KLHL36: variants seen among roughly 807,000 people sequenced by gnomAD.
KLHL36 encodes the protein kelch-like protein 36.
Under a neutral mutation model 53.3 loss-of-function variants are expected in KLHL36, and 35 were observed. The observed-to-expected ratio is 0.66, with a 90% confidence interval of 0.50 to 0.87. The LOEUF is 0.87. KLHL36 is among the 40% of genes least tolerant of loss of function. The pLI is 0.00. For missense variants in KLHL36, 864 were observed against 897.6 expected, an observed-to-expected ratio of 0.96 and a Z score of 0.48; for synonymous variants, 472 against 398.9, an observed-to-expected ratio of 1.18 and a Z score of -2.18.
rs778327522 is a variant in KLHL36, at chr16:84,661,939, G to A, written c.1657G>A (p.Gly553Ser). Residue 553 changes from glycine (G) to serine (S), a missense_variant, in exon 5 of 5, where the codon GGC becomes AGC. Physicochemically the swap from Gly to Ser is moderately conservative, Grantham distance 56. Transcript: ENST00000564996. This position sits in a 1 kb window ranked among gnomAD's most constrained non-coding sequence, Gnocchi z 7.9. ...VWEGRIYILGGYSWENTAFSK... is the reference protein window; with the variant it reads ...VWEGRIYILGSYSWENTAFSK... The stretch of plus-strand genomic sequence containing the variant: ...GGAGGGCCGCATCTACATCCTGGGC[G>A]GCTACAGCTGGGAGAACACTGCCTT... 3.1e-6 allele frequency: 5 copies of A among 1,600,238 alleles called. No homozygotes were observed. The highest frequency in any genetic ancestry group is 1.3e-5 in the African/African-American group (1 of 74,814).
chr16:84,655,980 G>C (rs928341863), intron 2 of KLHL36, among the ~76,000 whole-genome samples: 6 of 151,222 alleles, frequency 4.0e-5, no homozygotes, highest in Admixed American at 3.9e-4. Context: ...GCAGCCTCAA[G>C]CTCCTGGGCT....
Position 84,661,872 on chromosome 16 carries a change from G to T in KLHL36, c.1590G>T (p.Ala530=). ...SPQCNQWTRV[A]PLLHANSESG... is the part of the protein sequence containing the mutation. ...AGTGCAACCAGTGGACCCGCGTGGCGCCGCTGCTGCACGCCAACAGCGAGT... is the reference window on the plus strand; with the variant it reads ...AGTGCAACCAGTGGACCCGCGTGGCTCCGCTGCTGCACGCCAACAGCGAGT... Residue 530 remains alanine (A), a synonymous_variant, in exon 5 of 5, where the codon GCG becomes GCT. Coordinates refer to ENST00000564996, the MANE Select transcript of KLHL36 (RefSeq NM_024731.4). The surrounding 1 kb of genome is among the most constrained non-coding windows in gnomAD (Gnocchi z 7.9). The T allele has an allele frequency of 1.2e-6, 2 of 1,600,192 alleles. No individual in the cohort carries two copies. Among genetic ancestry groups the T allele is most frequent in the Admixed American group, 3.4e-5 (2 of 59,686 alleles).
rs373757262 is a variant in KLHL36, at chr16:84,661,629, G to A, written c.1347G>A (p.Ser449=). The A allele has an allele frequency of 7.8e-5, 126 of 1,611,630 alleles. No individual in the cohort carries two copies. The highest frequency in any genetic ancestry group is 2.0e-4 in the Admixed American group (12 of 59,682). ...TCTACAAAGACTTCGTGTACATCTC[G>A]GGGGGCCACGACTACCAAATTGGCC... The part of the protein sequence containing the change: ...GTIYKDFVYI[S]GGHDYQIGPY... The change falls in exon 5 of 5, where the codon TCG becomes TCA. Residue 449 remains serine, a synonymous_variant. Coordinates refer to ENST00000564996, the MANE Select transcript of KLHL36 (RefSeq NM_024731.4). This position sits in a 1 kb window ranked among gnomAD's most constrained non-coding sequence, Gnocchi z 7.9.
chr16:84,667,559 G>T lies in KLHL36; in HGVS notation c.*5426G>T, dbSNP rs1907906210. 1 of 152,012 alleles carries T rather than the reference G, an allele frequency of 6.6e-6. No homozygotes were observed. The highest frequency in any genetic ancestry group is 6.6e-5 in the Admixed American group (1 of 15,260). 9.4% of individuals were successfully genotyped at this position (152,012 alleles called of 1,614,324 possible). On this transcript the variant is annotated 3_prime_UTR_variant, in exon 5 of 5. Transcript: ENST00000564996. The stretch of plus-strand genomic sequence containing the variant: ...ACATTAAAATAATTTGCTTGCTAGG[G>T]TATGGTTTATTTTATAATTACATTC...
At chr16:84,651,528 C>G (rs1906879673) in intron 2 of KLHL36, among the ~76,000 whole-genome samples, 1 of 152,202 alleles carries the variant, frequency 6.6e-6, no homozygotes, top group African/African-American at 2.4e-5. Flanking sequence ...ACTCCTGTCC[C>G]CACAGCTGCT....
Position 84,666,757 on chromosome 16 carries a change from G to A in KLHL36, c.*4624G>A, listed in dbSNP as rs1320848752. The stretch of plus-strand genomic sequence containing the variant: ...GAACAGAATGTGTGGTTCTGAAGGT[G>A]TGTGGGGGTCTCAAGAAATTGTCCT... On this transcript the variant is annotated 3_prime_UTR_variant, in exon 5 of 5. Coordinates refer to ENST00000564996, the MANE Select transcript of KLHL36 (RefSeq NM_024731.4). The A allele has an allele frequency of 2.0e-5, 3 of 152,198 alleles. No homozygotes were observed. Among genetic ancestry groups the A allele is most frequent in the Non-Finnish European group, 4.4e-5 (3 of 68,058 alleles). 9.4% of individuals were successfully genotyped at this position (152,198 alleles called of 1,614,324 possible). A position where few individuals can be genotyped will look rare whatever the true frequency, so the allele number is the denominator to read the frequency against.
chr16:84,653,886 A>G (rs1907050029), intron 2 of KLHL36, among the ~76,000 whole-genome samples: 2 of 150,586 alleles, frequency 1.3e-5, no homozygotes, highest in South Asian at 4.2e-4. Flanking sequence ...GTGTTTTTGG[A>G]AAGTTGTCTA....
At chr16:84,649,549 G>C (rs1468376818) in intron 1 of KLHL36, among the ~76,000 whole-genome samples, 4 of 152,224 alleles carry the variant, frequency 2.6e-5, no homozygotes, top group African/African-American at 9.6e-5. Context: ...ACCAACGCTG[G>C]GTTTCTTCTC....
In KLHL36 at chr16:84,664,738, G is replaced by A. The variant is rs1907747077; in HGVS notation, c.*2605G>A. The A allele has an allele frequency of 5.9e-5, 9 of 152,334 alleles. No individual in the cohort carries two copies. The South Asian group carries it at 1.9e-3, about 32-fold the overall frequency. The allele number at this position is 152,334 out of a possible 1,614,324, so 9.4% of individuals were successfully genotyped here. On this transcript the variant is annotated 3_prime_UTR_variant, in exon 5 of 5. Coordinates refer to ENST00000564996, the MANE Select transcript of KLHL36 (RefSeq NM_024731.4). ...ATGGGCACAAGGGCACCCAGTGGTG[G>A]TGCCCGGGCCAGGTTTTTGTTACTT...
In KLHL36 at chr16:84,657,464, G is replaced by A. The variant is rs767689406; in HGVS notation, c.657G>A (p.Thr219=). 39 of 1,606,428 alleles carry A rather than the reference G, an allele frequency of 2.4e-5. No individual in the cohort carries two copies. The highest frequency in any genetic ancestry group is 6.6e-5 in the South Asian group (6 of 91,068). Residue 219 remains threonine, a synonymous_variant, in exon 3 of 5, where the codon ACG becomes ACA. Transcript: ENST00000564996. The part of the protein sequence containing the change: ...DLLQAALQWL[T]QQPEREAHAR... Reference sequence around the variant, plus strand: ...TGCAGGCCGCCCTGCAGTGGCTGACGCAGCAGCCCGAGCGCGAGGCCCACG... The same window carrying A: ...TGCAGGCCGCCCTGCAGTGGCTGACACAGCAGCCCGAGCGCGAGGCCCACG...
chr16:84,653,966 A>C (rs574421983), intron 2 of KLHL36, among the ~76,000 whole-genome samples: 5 of 152,058 alleles, frequency 3.3e-5, no homozygotes, highest in African/African-American at 1.2e-4. Flanking sequence ...ACTCCAGCCC[A>C]CTTAGAGCAG....
chr16:84,653,938 G>T (rs1454079766), intron 2 of KLHL36, among the ~76,000 whole-genome samples: 4 of 151,076 alleles, frequency 2.6e-5, no homozygotes, highest in African/African-American at 9.7e-5. Flanking sequence ...GCAGCTGATT[G>T]TACCCGGGTA....
chr16:84,649,438 AC>A (rs972849527), intron 1 of KLHL36: 56 of 151,946 alleles, frequency 3.7e-4, no homozygotes, highest in South Asian at 1.2e-3. Context: ...ACCTTGGGCA[AC>A]CCCCCCTGGG....
chr16:84,655,615 A>G (rs1436263775), intron 2 of KLHL36, among the ~76,000 whole-genome samples: 4 of 151,508 alleles, frequency 2.6e-5, no homozygotes, highest in Non-Finnish European at 5.9e-5. Flanking sequence ...GAGGTGGGAG[A>G]ATCACTTGAG....
At chr16:84,658,284 TC>T in intron 3 of KLHL36, 1 of 209,614 alleles carries the variant, frequency 4.8e-6, no homozygotes, top group Non-Finnish European at 9.4e-6. Flanking sequence ...ACTGAAGAAG[TC>T]AATTTTCAAT....
Position 84,662,127 on chromosome 16 carries a change from C to A in KLHL36, c.1845C>A (p.Gly615=). Residue 615 remains glycine (G), a synonymous_variant, in exon 5 of 5, where the codon GGC becomes GGA. Coordinates refer to ENST00000564996, the MANE Select transcript of KLHL36 (RefSeq NM_024731.4). ...AAGGCAAGAGGCACCAGGACCGGGG[C>A]CAGTGACCCTAGCTGCGCCTCTTGG... ...KGKGKRHQDR[G]Q The A allele has an allele frequency of 6.5e-7, 1 of 1,536,998 alleles. No individual in the cohort carries two copies. Among genetic ancestry groups the A allele is most frequent in the Non-Finnish European group, 8.8e-7 (1 of 1,139,112 alleles).
rs991745557 is a variant in KLHL36, at chr16:84,661,229, G to C, written c.1296-349G>C. The stretch of plus-strand genomic sequence containing the variant: ...TCCTCTTTGATGTGTGATTCATCGG[G>C]TGCATGTGTGCCTGCTAGCTCATTG... On this transcript the variant is annotated intron_variant, in intron 4 of 4. Transcript: ENST00000564996. This position sits in a 1 kb window ranked among gnomAD's most constrained non-coding sequence, Gnocchi z 7.9. 3.3e-5 allele frequency among the ~76,000 whole-genome samples: 5 copies of C among 152,188 alleles called. No individual in the cohort carries two copies. The highest frequency in any genetic ancestry group is 3.3e-4 in the Admixed American group (5 of 15,274).
rs188840858 is a variant in KLHL36 at position 84,662,385 on chromosome 16, G to A, written c.*252G>A. 61 of 366,578 alleles carry A rather than the reference G, an allele frequency of 1.7e-4. 1 individual carries two copies. The highest frequency in any genetic ancestry group is 8.7e-4 in the East Asian group (21 of 24,020). 22.7% of individuals were successfully genotyped at this position (366,578 alleles called of 1,614,324 possible). A position where few individuals can be genotyped will look rare whatever the true frequency, so the allele number is the denominator to read the frequency against. On this transcript the variant is annotated 3_prime_UTR_variant, in exon 5 of 5. Transcript: ENST00000564996. ...TTGTATCTTCACAGGTCTTTGCCCC[G>A]TGTTATGATTCCTCATGGGTCCTTG...
chr16:84,659,522 C>A (rs1408935058), intron 3 of KLHL36: 2 of 491,808 alleles, frequency 4.1e-6, no homozygotes, highest in Non-Finnish European at 7.3e-6. Context: ...CATCTCCATC[C>A]CCCTTTTGGG....
Sources: gnomAD v4.1 joint callset for allele counts (sites outside exome capture counted in the v4.1 genomes callset) on GRCh38, gnomAD v4.1.1 for gene constraint, Gnocchi (gnomAD v3.1) non-coding constraint, MANE v1.5 for transcripts, NCBI Gene and HGNC (gene_info 2026-07-23, HGNC 2026-07-21) for gene names.